The following NR4A1 variants were observed in gnomAD, a reference collection of about 807,000 sequenced individuals.
NR4A1 encodes nuclear receptor subfamily 4 group A member 1.
A neutral mutation model predicts 47.5 loss-of-function variants in NR4A1; 24 were observed. That is an observed-to-expected ratio of 0.50 (90% CI 0.37 to 0.71). NR4A1 has a LOEUF of 0.71. Among genes scored for constraint, NR4A1 ranks in the 30% least tolerant of loss-of-function variants. The probability of loss-of-function intolerance (pLI) is 0.00; values close to 1 mark genes in which losing one functional copy is unlikely to be tolerated. For synonymous variants in NR4A1, 353 were observed against 345.7 expected (o/e 1.02, Z -0.24); for missense variants, 669 against 788.6 (o/e 0.85, Z 1.82).
chr12:52,041,894 T>G (rs926452768), exon 2 of NR4A1: 68 of 1,525,050 alleles, frequency 4.5e-5, no homozygotes, highest in Non-Finnish European at 6.0e-5. Flanking sequence ...GACGGGATAA[T>G]GTGGTTGGCC....
At chr12:52,032,041 C>T (rs1420086558) in intron 1 of NR4A1, among the ~76,000 whole-genome samples, 2 of 152,152 alleles carry the variant, frequency 1.3e-5, no homozygotes, top group African/African-American at 4.8e-5. Flanking sequence ...AGTGATCCGC[C>T]CGCCTCGGCC....
intron 1 of NR4A1, among the ~76,000 whole-genome samples, chr12:52,023,172 G>A (rs1474501924): frequency 1.3e-5 from 2 of 152,242 alleles, no homozygotes; most frequent in Non-Finnish European, 2.9e-5. Flanking sequence ...AGGTGCTGGG[G>A]GTTGGAGCCC....
At chr12:52,055,541 G>A (rs1051655070) in intron 2 of NR4A1, 14 of 540,956 alleles carry the variant, frequency 2.6e-5, no homozygotes, top group African/African-American at 2.5e-4. Flanking sequence ...TAGTGGGAAG[G>A]GGTGCCCCCA....
At chr12:52,035,774 A>C (rs1938222505) in intron 1 of NR4A1, among the ~76,000 whole-genome samples, 2 of 152,154 alleles carry the variant, frequency 1.3e-5, no homozygotes, top group South Asian at 4.2e-4. Context: ...AGTTGCGCCA[A>C]GAGTTTAGGA....
intron 1 of NR4A1, among the ~76,000 whole-genome samples, chr12:52,031,042 G>T (rs1471055579): frequency 1.3e-5 from 2 of 151,926 alleles, no homozygotes; most frequent in East Asian, 3.9e-4. Context: ...TTGAGATAGG[G>T]TCTCACTCTG....
chr12:52,056,314 A>G, intron 3 of NR4A1, 155 bp downstream of exon 3: 1 of 1,356,854 alleles, frequency 7.4e-7, no homozygotes, highest in Non-Finnish European at 1.0e-6. Flanking sequence ...GAGGCAGCCT[A>G]CACCTGCCTG....
intron 2 of NR4A1, chr12:52,055,695 TG>T: frequency 4.0e-6 from 1 of 252,724 alleles, no homozygotes. Context: ...CCCAGCCCCT[TG>T]GCCCTCTCCT....
At chr12:52,042,845 CAG>C (rs754400252) in intron 2 of NR4A1, among the ~76,000 whole-genome samples, 1 of 152,226 alleles carries the variant, frequency 6.6e-6, no homozygotes, top group East Asian at 1.9e-4. Context: ...GCACCCCAGA[CAG>C]GGGTCATGAG....
chr12:52,037,587 A>G, intron 1 of NR4A1: 2 of 983,808 alleles, frequency 2.0e-6, no homozygotes, highest in Non-Finnish European at 2.4e-6. Context: ...CTGGATTCCC[A>G]GCGGAACCGC....
intron 2 of NR4A1, chr12:52,055,462 T>A: frequency 1.7e-6 from 1 of 588,524 alleles, no homozygotes; most frequent in Non-Finnish European, 3.0e-6. Context: ...AGATAGGAGC[T>A]GCAGGGGTGC....
At chr12:52,030,430 A>G (rs1938096258) in intron 1 of NR4A1, among the ~76,000 whole-genome samples, 1 of 151,852 alleles carries the variant, frequency 6.6e-6, no homozygotes, top group Non-Finnish European at 1.5e-5. Flanking sequence ...TTTATTTTTT[A>G]TTTTGTATTA....
chr12:52,031,853 C>T (rs914747361), intron 1 of NR4A1, among the ~76,000 whole-genome samples: 1 of 146,456 alleles, frequency 6.8e-6, no homozygotes, highest in African/African-American at 2.5e-5. Flanking sequence ...AATCTCAGCT[C>T]ACTGCAACCT....
At chr12:52,055,365 T>A in intron 2 of NR4A1, 161 bp downstream of exon 2, 2 of 840,124 alleles carry the variant, frequency 2.4e-6, no homozygotes, top group Non-Finnish European at 1.8e-6. Context: ...TGGAGACCCG[T>A]AGATGCCAGG....
rs1393192179 is a variant in NR4A1, at chr12:52,058,783, C to T, written c.1636C>T (p.Pro546Ser). ...KEHVAAVAGE[P>S]QPASCLSRLL... is the part of the protein sequence containing the mutation. ...GCACGTGGCAGCTGTGGCGGGCGAG[C>T]CCCAGCCAGCCAGCTGCCTGTCACG... The change falls in exon 7 of 7, where the codon CCC becomes TCC. Residue 546 changes from proline (P) to serine (S), a missense_variant. Transcript: ENST00000394825. 1 of 1,611,390 alleles carries T rather than the reference C, an allele frequency of 6.2e-7. No homozygotes were observed. Among genetic ancestry groups the T allele is most frequent in the Non-Finnish European group, 8.5e-7 (1 of 1,179,568 alleles).
At chr12:52,041,374 C>T (rs1196046869) in intron 1 of NR4A1, among the ~76,000 whole-genome samples, 2 of 152,124 alleles carry the variant, frequency 1.3e-5, no homozygotes, top group East Asian at 3.9e-4. Flanking sequence ...AGTGGAGCCC[C>T]TGTCTCTTGG....
In NR4A1 at chr12:52,058,941, C is replaced by T. The variant is rs1801917907; in HGVS notation, c.1794C>T (p.Phe598=). 6.2e-7 allele frequency: 1 copy of T among 1,609,470 alleles called. No individual in the cohort carries two copies. Among genetic ancestry groups the T allele is most frequent in the Non-Finnish European group, 8.5e-7 (1 of 1,176,324 alleles). ...AGATCTTCATGGACACGCTGCCCTTCTGACCCCTGCCTGGGAACACGTGTG... is the reference window on the plus strand; with the variant it reads ...AGATCTTCATGGACACGCTGCCCTTTTGACCCCTGCCTGGGAACACGTGTG... The part of the protein sequence containing the change: ...IDKIFMDTLP[F] Residue 598 remains phenylalanine, a synonymous_variant, in exon 7 of 7, where the codon TTC becomes TTT. Coordinates refer to ENST00000394825, the MANE Select transcript of NR4A1 (RefSeq NM_173157.3).
At chr12:52,054,100 C>A (rs916433717) in intron 1 of NR4A1, 1 of 547,498 alleles carries the variant, frequency 1.8e-6, no homozygotes, top group Non-Finnish European at 3.2e-6. Context: ...TCTGATGGAG[C>A]CCACTCATGC....
At position 52,056,172 on chromosome 12, in the gene NR4A1, G is replaced by T; in HGVS notation, c.1006+13G>T. The T allele has an allele frequency of 6.3e-7, 1 of 1,591,552 alleles. No individual in the cohort carries two copies. The highest frequency in any genetic ancestry group is 8.6e-7 in the Non-Finnish European group (1 of 1,169,054). On this transcript the variant is annotated intron_variant, in intron 3 of 6. Transcript: ENST00000394825. ...ATGGTGAAGGAAGGTGTGTGGCTGG[G>T]GTGCGGCCCAGCGGGGCAAGGGTAG...
In NR4A1 at chr12:52,037,340, G is replaced by A. The variant is rs1035937469; in HGVS notation, c.-83-4470G>A. On this transcript the variant is annotated intron_variant, in intron 1 of 7. Transcript: ENST00000360284. ...CCCCTCGCGGCGCCCGGGACCCCCGGCCTCCAGGCATGGGCGCCCCTGCGG... is the reference window on the plus strand; with the variant it reads ...CCCCTCGCGGCGCCCGGGACCCCCGACCTCCAGGCATGGGCGCCCCTGCGG... The A allele has an allele frequency of 3.0e-6, 3 of 984,822 alleles. No individual in the cohort carries two copies. The African/African-American group carries it at 5.3e-5, about 17-fold the overall frequency. 61.0% of individuals were successfully genotyped at this position (984,822 alleles called of 1,614,324 possible).
Sources: gnomAD v4.1 joint callset for allele counts (sites outside exome capture counted in the v4.1 genomes callset) on GRCh38, gnomAD v4.1.1 for gene constraint, MANE v1.5 for transcripts, NCBI Gene and HGNC (gene_info 2026-07-23, HGNC 2026-07-21) for gene names.